Variants in NID2 observed in about 807,000 individuals in gnomAD.
NID2 encodes nidogen 2, also known as nidogen-2.
A neutral mutation model predicts 145.4 loss-of-function variants in NID2; 83 were observed. That is an observed-to-expected ratio of 0.57 (90% CI 0.48 to 0.69). The LOEUF is 0.69. Among genes scored for constraint, NID2 ranks in the 30% least tolerant of loss-of-function variants. The probability of loss-of-function intolerance (pLI) is 0.00; values close to 1 mark genes in which losing one functional copy is unlikely to be tolerated. For missense variants in NID2, 1,807 were observed against 1,765.7 expected (o/e 1.02, Z -0.42); for synonymous variants, 739 against 701.3 (o/e 1.05, Z -0.85).
intron 2 of NID2, 117 bp downstream of exon 2, chr14:52,067,741 C>T: frequency 8.2e-7 from 1 of 1,220,890 alleles, no homozygotes; most frequent in South Asian, 1.3e-5. Context: ...CCTCCAAGGT[C>T]AGGTTCAGCG....
intron 3 of NID2, among the ~76,000 whole-genome samples, chr14:52,055,383 C>G (rs1292225824): frequency 6.6e-6 from 1 of 152,114 alleles, no homozygotes; most frequent in Non-Finnish European, 1.5e-5. Flanking sequence ...TTCCCTAATC[C>G]ACAAAGAATG....
At position 52,027,359 on chromosome 14, in the gene NID2, A is replaced by T. The variant is rs765822307; in HGVS notation, c.2531-15T>A. On this transcript the variant is annotated splice_polypyrimidine_tract_variant and intron_variant, in intron 11 of 21. Transcript: ENST00000216286. ...TGGGGTGATCACTGAAAAGAGAAGA[A>T]GATAAGGGCATCCAGAGTTTAGGCC... is the stretch of plus-strand genomic sequence containing the variant. 31 of 1,515,472 alleles carry T rather than the reference A, an allele frequency of 2.0e-5. No homozygotes were observed. The highest frequency in any genetic ancestry group is 2.7e-5 in the Non-Finnish European group (31 of 1,132,840). 93.9% of individuals were successfully genotyped at this position (1,515,472 alleles called of 1,614,324 possible). A position where few individuals can be genotyped will look rare whatever the true frequency, so the allele number is the denominator to read the frequency against.
In NID2 at chr14:52,067,969, G is replaced by T; in HGVS notation, c.423C>A (p.Arg141=). The T allele has an allele frequency of 6.2e-7, 1 of 1,611,114 alleles. No homozygotes were observed. Among genetic ancestry groups the T allele is most frequent in the Non-Finnish European group, 8.5e-7 (1 of 1,178,814 alleles). ...AVLGLAARYV[R]AGFPRSARFT... ...AGCGCGCAGAGCGCGGGAAGCCAGCGCGCACATAGCGGGCGGCCAGGCCCA... is the reference window on the plus strand; with the variant it reads ...AGCGCGCAGAGCGCGGGAAGCCAGCTCGCACATAGCGGGCGGCCAGGCCCA... The change falls in exon 2 of 22, where the codon CGC becomes CGA. Residue 141 remains arginine (R), a synonymous_variant. Transcript: ENST00000216286.
At chr14:52,007,428 A>G (rs757444067) in intron 19 of NID2, 18 of 215,544 alleles carry the variant, frequency 8.4e-5, no homozygotes, top group Non-Finnish European at 1.6e-4. Flanking sequence ...CCCTGCTACA[A>G]TGCTTTCCAA....
At chr14:52,005,656 G>A in intron 21 of NID2, 81 bp downstream of exon 21, 1 of 1,370,044 alleles carries the variant, frequency 7.3e-7, no homozygotes, top group Non-Finnish European at 1.0e-6. Context: ...AGTGTCACAG[G>A]CAGCAGGGGT....
intron 5 of NID2, among the ~76,000 whole-genome samples, chr14:52,044,458 G>A (rs1210982331): frequency 6.6e-6 from 1 of 151,964 alleles, no homozygotes; most frequent in Non-Finnish European, 1.5e-5. Context: ...TTTTAGTAGA[G>A]ACAGGGTTTC....
Position 52,027,329 on chromosome 14 carries a change from G to T in NID2, c.2546C>A (p.Ala849Asp). The T allele has an allele frequency of 6.4e-7, 1 of 1,572,042 alleles. No individual in the cohort carries two copies. The highest frequency in any genetic ancestry group is 8.6e-7 in the Non-Finnish European group (1 of 1,161,720). Residue 849 changes from alanine to aspartate, a missense_variant, in exon 12 of 22, where the codon GCC becomes GAC. Physicochemically the swap from Ala to Asp is moderately radical, Grantham distance 126 (BLOSUM62 -2). Transcript: ENST00000216286. ...RHTCILITPP[A>D]NPCEDGSHTC... Reference sequence around the variant, plus strand: ...ATGACTGCCATCCTCACAGGGGTTGGCAGGTGGGGTGATCACTGAAAAGAG... The same window carrying T: ...ATGACTGCCATCCTCACAGGGGTTGTCAGGTGGGGTGATCACTGAAAAGAG...
intron 3 of NID2, among the ~76,000 whole-genome samples, chr14:52,059,385 T>A (rs1355126268): frequency 6.6e-6 from 1 of 152,168 alleles, no homozygotes; most frequent in African/African-American, 2.4e-5. Context: ...AACCAATGTA[T>A]TCTATCTGGC....
intron 16 of NID2, among the ~76,000 whole-genome samples, chr14:52,013,736 A>G (rs867558796): frequency 6.6e-6 from 1 of 152,116 alleles, no homozygotes; most frequent in Admixed American, 6.5e-5. Context: ...CTCTCCCAGC[A>G]TCACACACTC....
At chr14:52,007,596 A>G (rs747441845) in intron 19 of NID2, 13 of 553,352 alleles carry the variant, frequency 2.3e-5, no homozygotes, top group Non-Finnish European at 3.8e-5. Flanking sequence ...AAGCAGTACA[A>G]ACTTACTGCT....
At chr14:52,045,316 C>T (rs1000407624) in intron 5 of NID2, among the ~76,000 whole-genome samples, 1 of 152,086 alleles carries the variant, frequency 6.6e-6, no homozygotes, top group Non-Finnish European at 1.5e-5. Flanking sequence ...GCCTGCAGAT[C>T]CTTGGGAAAG....
At chr14:52,021,436 C>T (rs917594981) in intron 12 of NID2, among the ~76,000 whole-genome samples, 1 of 152,180 alleles carries the variant, frequency 6.6e-6, no homozygotes, top group Non-Finnish European at 1.5e-5. Flanking sequence ...TTACCTGCAC[C>T]ACCCTTTGTC....
At position 52,006,583 on chromosome 14, in the gene NID2, T is replaced by C. The variant is rs761372238; in HGVS notation, c.3958A>G (p.Ser1320Gly). The C allele has an allele frequency of 1.9e-6, 3 of 1,613,912 alleles. No individual in the cohort carries two copies. The highest frequency in any genetic ancestry group is 2.5e-6 in the Non-Finnish European group (3 of 1,179,806). The change falls in exon 20 of 22, where the codon AGC (serine) becomes GGC (glycine). Residue 1320 changes from serine to glycine, a missense_variant. Physicochemically the swap from Ser to Gly is moderately conservative, Grantham distance 56. Coordinates refer to ENST00000216286, the MANE Select transcript of NID2 (RefSeq NM_007361.4). The stretch of plus-strand genomic sequence containing the variant: ...AAGTGATCTGCATAGCTTACGATGC[T>C]GAAGGGGTACTTGAGGTTGTTTTGA... The part of the protein sequence containing the change: ...VIQNNLKYPF[S>G]IVSYADHFYH...
Position 52,017,833 on chromosome 14 carries a change from C to CA in NID2, c.3028+1227dup, listed in dbSNP as rs149646584. Among the ~76,000 whole-genome samples the CA allele has an allele frequency of 7.3e-4, 111 of 151,370 alleles. 1 individual carries two copies. Among genetic ancestry groups the CA allele is most frequent in the South Asian group, 4.2e-3 (20 of 4,790 alleles). ...AAGACCTGACCTTTTTTTAAAAAAA[C>CA]AAAAAAAACAGAGTCTCACTCTGTT... is the stretch of plus-strand genomic sequence containing the variant. On this transcript the variant is annotated intron_variant, in intron 14 of 21. Transcript: ENST00000216286.
chr14:52,031,577 G>A (rs1036659638), intron 9 of NID2, among the ~76,000 whole-genome samples: 3 of 152,166 alleles, frequency 2.0e-5, no homozygotes, highest in Non-Finnish European at 4.4e-5. Context: ...TTCTGTGCCT[G>A]AGGCCCTGTC....
intron 9 of NID2, among the ~76,000 whole-genome samples, chr14:52,033,341 T>C (rs1483103736): frequency 6.6e-6 from 1 of 152,138 alleles, no homozygotes; most frequent in African/African-American, 2.4e-5. Context: ...AAAGGACCCG[T>C]GAAGTGGAAG....
At chr14:52,061,557 G>A (rs892637506) in intron 2 of NID2, among the ~76,000 whole-genome samples, 3 of 152,090 alleles carry the variant, frequency 2.0e-5, no homozygotes, top group African/African-American at 4.8e-5. Flanking sequence ...GCCAAGAGCC[G>A]GGGTGTGTGT....
intron 2 of NID2, among the ~76,000 whole-genome samples, chr14:52,062,800 T>C (rs1370643394): frequency 6.6e-6 from 1 of 152,174 alleles, no homozygotes; most frequent in Non-Finnish European, 1.5e-5. Context: ...ACTCTGGGCA[T>C]TTAGCACTTT....
At chr14:52,030,501 G>GAAAAGAAA in intron 9 of NID2, among the ~76,000 whole-genome samples, 1 of 34,938 alleles carries the variant, frequency 2.9e-5, no homozygotes, top group South Asian at 8.2e-4. Flanking sequence ...AAGAAAGAAA[G>GAAAAGAAA]AGAAAGAAAG....
Sources: gnomAD v4.1 joint callset for allele counts (sites outside exome capture counted in the v4.1 genomes callset) on GRCh38, gnomAD v4.1.1 for gene constraint, MANE v1.5 for transcripts, NCBI Gene and HGNC (gene_info 2026-07-23, HGNC 2026-07-21) for gene names.